Variants in PDE4D observed in about 807,000 individuals in gnomAD.
PDE4D encodes phosphodiesterase 4D.
A neutral mutation model predicts 87.4 loss-of-function variants in PDE4D; 24 were observed. That is an observed-to-expected ratio of 0.27 (90% confidence interval 0.20 to 0.39). The LOEUF is 0.39. PDE4D is among the 10% of genes least tolerant of loss of function. PDE4D has a pLI of 1.00. For missense variants in PDE4D, 714 were observed against 1,041.0 expected (o/e 0.69, Z 4.32); for synonymous variants, 384 against 383.2 (o/e 1.00, Z -0.02).
At chr5:60,434,909 G>T (rs144648220) in intron 1 of PDE4D, among the ~76,000 whole-genome samples, 2 of 152,066 alleles carry the variant, frequency 1.3e-5, no homozygotes, top group Non-Finnish European at 2.9e-5. Flanking sequence ...AAATGAAAAA[G>T]GGAGTTAGAG....
At chr5:59,688,818 C>A (rs1750375140) in intron 1 of PDE4D, among the ~76,000 whole-genome samples, 2 of 151,734 alleles carry the variant, frequency 1.3e-5, no homozygotes, top group African/African-American at 4.8e-5. Context: ...ATTGACGGAC[C>A]ACTAGCAAGA....
intron 5 of PDE4D, among the ~76,000 whole-genome samples, chr5:59,156,687 C>T (rs1780273556): frequency 6.6e-6 from 1 of 151,962 alleles, no homozygotes; most frequent in African/African-American, 2.4e-5. Flanking sequence ...AAGAAATCAA[C>T]TTCTGTCTTG....
At chr5:60,456,299 G>A (rs1362956634) in intron 1 of PDE4D, among the ~76,000 whole-genome samples, 4 of 152,196 alleles carry the variant, frequency 2.6e-5, no homozygotes, top group African/African-American at 9.6e-5. Flanking sequence ...CACAGTGGAG[G>A]AAGACCAGTA....
intron 1 of PDE4D, among the ~76,000 whole-genome samples, chr5:59,371,286 A>G (rs775939368): frequency 3.3e-5 from 5 of 152,212 alleles, no homozygotes; most frequent in African/African-American, 4.8e-5. Context: ...AAAACTTACC[A>G]AGTTTCTCTG....
At chr5:59,655,855 T>C (rs894759921) in intron 1 of PDE4D, among the ~76,000 whole-genome samples, 5 of 152,180 alleles carry the variant, frequency 3.3e-5, no homozygotes, top group African/African-American at 1.2e-4. Context: ...AAATATTAAA[T>C]AGATAGTTAC....
intron 1 of PDE4D, among the ~76,000 whole-genome samples, chr5:60,186,497 C>G (rs776815053): frequency 2.6e-5 from 4 of 152,114 alleles, no homozygotes; most frequent in Admixed American, 2.6e-4. Flanking sequence ...AGGACACAAC[C>G]TACATATTTA....
intron 1 of PDE4D, among the ~76,000 whole-genome samples, chr5:59,792,127 A>G (rs1333716578): frequency 6.6e-6 from 1 of 152,158 alleles, no homozygotes; most frequent in Non-Finnish European, 1.5e-5. Flanking sequence ...AGATAAATCC[A>G]TGAGTAGTAA....
chr5:59,161,838 T>C (rs1781155857), intron 5 of PDE4D, among the ~76,000 whole-genome samples: 1 of 152,228 alleles, frequency 6.6e-6, no homozygotes, highest in African/African-American at 2.4e-5. Context: ...AAAGAGATAC[T>C]AAAGTTTTCT....
At position 60,241,596 on chromosome 5, in the gene PDE4D, G is replaced by A. The variant is rs191333441; in HGVS notation, c.-89-55909C>T. ...ATTGATCCAGCAGAAGAAAAAATTA[G>A]TGAGCTAGAAGACAGGCTATTTGCA... On this transcript the variant is annotated intron_variant, in intron 1 of 16. Transcript: ENST00000502484. Among the ~76,000 whole-genome samples, 141 of 152,120 alleles carry A rather than the reference G, an allele frequency of 9.3e-4. 2 individuals carry two copies. Among genetic ancestry groups the A allele is most frequent in the African/African-American group, 3.2e-3 (134 of 41,508 alleles).
At chr5:60,180,582 T>C (rs1310444694) in intron 2 of PDE4D, among the ~76,000 whole-genome samples, 1 of 152,138 alleles carries the variant, frequency 6.6e-6, no homozygotes, top group Non-Finnish European at 1.5e-5. Context: ...AATTTAGTTA[T>C]CAGATATGCT....
intron 1 of PDE4D, among the ~76,000 whole-genome samples, chr5:59,264,579 G>T (rs1041402650): frequency 6.6e-5 from 10 of 151,876 alleles, no homozygotes; most frequent in African/African-American, 2.2e-4. Flanking sequence ...AAAAGTAATT[G>T]GGCTATCTCT....
intron 5 of PDE4D, among the ~76,000 whole-genome samples, chr5:59,158,933 T>G (rs2153463825): frequency 6.6e-6 from 1 of 152,306 alleles, no homozygotes; most frequent in South Asian, 2.1e-4. Flanking sequence ...AAAGGGCTGC[T>G]TTGCTGGGAT....
chr5:60,076,392 T>G (rs1773298325), intron 2 of PDE4D, among the ~76,000 whole-genome samples: 1 of 152,182 alleles, frequency 6.6e-6, no homozygotes, highest in Non-Finnish European at 1.5e-5. Flanking sequence ...TATCTTGACC[T>G]CGTGATCCAC....
At chr5:59,270,590 C>T (rs1763629728) in intron 1 of PDE4D, among the ~76,000 whole-genome samples, 4 of 152,138 alleles carry the variant, frequency 2.6e-5, no homozygotes, top group Admixed American at 2.6e-4. Context: ...CTACAAGCTG[C>T]AAGAGCCTTT....
At chr5:59,988,462 G>T in intron 3 of PDE4D, 1 of 1,430,392 alleles carries the variant, frequency 7.0e-7, no homozygotes, top group South Asian at 1.2e-5. Flanking sequence ...ATATAAAATG[G>T]GGAAATGACA....
intron 1 of PDE4D, among the ~76,000 whole-genome samples, chr5:60,485,963 T>C (rs1749104823): frequency 6.6e-6 from 1 of 152,364 alleles, no homozygotes; most frequent in African/African-American, 2.4e-5. Flanking sequence ...TATAGGCAGC[T>C]GATTAATGTT....
chr5:59,431,880 TTGGTTTTC>T (rs1796158504), intron 1 of PDE4D, among the ~76,000 whole-genome samples: 1 of 152,130 alleles, frequency 6.6e-6, no homozygotes, highest in Non-Finnish European at 1.5e-5. Context: ...CATGTGGCAT[TTGGTTTTC>T]TGTTCTTGTG....
At chr5:59,538,415 C>G (rs537467708) in intron 1 of PDE4D, among the ~76,000 whole-genome samples, 1 of 152,332 alleles carries the variant, frequency 6.6e-6, no homozygotes, top group African/African-American at 2.4e-5. Flanking sequence ...AAACTCACTC[C>G]TCTTGCTGGA....
At chr5:60,017,291 A>G (rs1348212611) in intron 2 of PDE4D, among the ~76,000 whole-genome samples, 1 of 152,140 alleles carries the variant, frequency 6.6e-6, no homozygotes, top group Non-Finnish European at 1.5e-5. Flanking sequence ...TAGCATATTT[A>G]ATTTAATTTA....
Sources: gnomAD v4.1 joint callset for allele counts (sites outside exome capture counted in the v4.1 genomes callset) on GRCh38, gnomAD v4.1.1 for gene constraint, MANE v1.5 for transcripts, NCBI Gene and HGNC (gene_info 2026-07-23, HGNC 2026-07-21) for gene names.